The following ENOX2 variants were observed in gnomAD, a reference collection of about 807,000 sequenced individuals.
ENOX2 encodes ecto-NOX disulfide-thiol exchanger 2.
A neutral mutation model predicts 45.0 loss-of-function variants in ENOX2; 36 were observed. That is an observed-to-expected ratio of 0.80 (90% CI 0.61 to 1.06). The LOEUF (loss-of-function observed/expected upper bound fraction) is 1.06, where lower values mean the gene tolerates loss of function less well. Ranked by LOEUF, ENOX2 falls within the 50% of genes least tolerant of loss-of-function variation. The probability of loss-of-function intolerance (pLI) is 0.00; values close to 1 mark genes in which losing one functional copy is unlikely to be tolerated. For synonymous variants in ENOX2, 174 were observed against 152.3 expected, an observed-to-expected ratio of 1.14 and a Z score of -1.05; for missense variants, 423 against 462.5, an observed-to-expected ratio of 0.91 and a Z score of 0.78.
chrX:130,693,963 T>C (rs773573521), intron 4 of ENOX2, among the ~76,000 whole-genome samples: 1 of 111,737 alleles, frequency 8.9e-6, no homozygotes, highest in East Asian at 2.8e-4. Flanking sequence ...TGACAGAAGA[T>C]GGATCCAGCT....
intron 3 of ENOX2, among the ~76,000 whole-genome samples, chrX:130,746,421 T>C (rs1018017757): frequency 3.6e-5 from 4 of 112,079 alleles, no homozygotes; most frequent in African/African-American, 1.3e-4. Flanking sequence ...GACCTTGCTT[T>C]TGGCCTTCTC....
At chrX:130,846,165 G>A (rs780136388) in intron 2 of ENOX2, among the ~76,000 whole-genome samples, 2 of 111,311 alleles carry the variant, frequency 1.8e-5, no homozygotes, top group Non-Finnish European at 3.8e-5. Flanking sequence ...GGAAGATCAG[G>A]TTGAGAAATC....
intron 3 of ENOX2, among the ~76,000 whole-genome samples, chrX:130,767,660 A>G (rs1445181527): frequency 8.9e-6 from 1 of 112,138 alleles, no homozygotes; most frequent in Non-Finnish European, 1.9e-5. Context: ...TAAGTGCTAT[A>G]AGAGAAAAAT....
At chrX:130,679,002 C>G (rs1443665360) in intron 6 of ENOX2, among the ~76,000 whole-genome samples, 1 of 111,283 alleles carries the variant, frequency 9.0e-6, no homozygotes, top group Admixed American at 9.6e-5. Context: ...TGGAAAGAGA[C>G]AGTTCTAGCA....
chrX:130,684,396 T>C (rs1286944494), intron 5 of ENOX2, among the ~76,000 whole-genome samples: 3 of 112,446 alleles, frequency 2.7e-5, no homozygotes, highest in East Asian at 2.8e-4. Context: ...GTCTGTCCTC[T>C]ATACTATAAT....
At chrX:130,885,363 T>A (rs1361269484) in intron 2 of ENOX2, among the ~76,000 whole-genome samples, 1 of 111,232 alleles carries the variant, frequency 9.0e-6, no homozygotes, top group African/African-American at 3.3e-5. Flanking sequence ...CAGTTACTCA[T>A]CCTGAGTCTC....
intron 4 of ENOX2, among the ~76,000 whole-genome samples, chrX:130,702,801 C>A (rs2037933792): frequency 1.8e-5 from 2 of 111,684 alleles, no homozygotes; most frequent in African/African-American, 6.5e-5. Flanking sequence ...TGTTTATTTG[C>A]CTCCTCTATG....
chrX:130,667,810 G>T, intron 7 of ENOX2, 68 bp from the exon 8 acceptor site: 1 of 835,657 alleles, frequency 1.2e-6, no homozygotes. Context: ...CAACATGCTG[G>T]CAAAGAGGGC....
intron 3 of ENOX2, among the ~76,000 whole-genome samples, chrX:130,779,565 G>A (rs1268955166): frequency 9.0e-6 from 1 of 110,988 alleles, no homozygotes; most frequent in Non-Finnish European, 1.9e-5. Flanking sequence ...TCTCACAAAT[G>A]TCTGAGTAGC....
At chrX:130,747,443 T>A (rs2039123491) in intron 3 of ENOX2, among the ~76,000 whole-genome samples, 1 of 112,214 alleles carries the variant, frequency 8.9e-6, no homozygotes, top group Admixed American at 9.4e-5. Context: ...TCCACTTATT[T>A]TCAGAATTTA....
chrX:130,739,435 A>T (rs2038931013), intron 3 of ENOX2, among the ~76,000 whole-genome samples: 1 of 112,371 alleles, frequency 8.9e-6, no homozygotes, highest in Non-Finnish European at 1.9e-5. Context: ...CGGTATTTTC[A>T]ATTTACGATG....
At position 130,625,443 on chromosome X, in the gene ENOX2, G is replaced by A. The variant is rs1474628061; in HGVS notation, c.1617C>T (p.Ile539=). Residue 539 remains isoleucine, a splice_region_variant and synonymous_variant, in exon 15 of 15, where the codon ATC becomes ATT. Transcript: ENST00000394363. ...CSYLHRLDNK[I]CTSDVECLMG... is the part of the protein sequence containing the mutation. ...TGAGACACTCCACATCGCTGGTGCA[G>A]ATCTGTGGGACAGAGAGAACATCTC... is the stretch of plus-strand genomic sequence containing the variant. 1.7e-6 allele frequency: 2 copies of A among 1,205,551 alleles called. No individual in the cohort carries two copies. The highest frequency in any genetic ancestry group is 1.1e-6 in the Non-Finnish European group (1 of 892,830).
intron 9 of ENOX2, among the ~76,000 whole-genome samples, chrX:130,659,531 T>C (rs936854765): frequency 2.7e-5 from 3 of 112,565 alleles, no homozygotes; most frequent in Non-Finnish European, 5.6e-5. Flanking sequence ...AAGGAATTTC[T>C]CATTTCTGAG....
intron 10 of ENOX2, among the ~76,000 whole-genome samples, chrX:130,652,625 T>C (rs2036434888): frequency 1.8e-5 from 2 of 112,361 alleles, no homozygotes; most frequent in Non-Finnish European, 1.9e-5. Flanking sequence ...AAAAAAGATA[T>C]GTTGAAGCTC....
intron 2 of ENOX2, among the ~76,000 whole-genome samples, chrX:130,880,301 T>C (rs1454548899): frequency 8.9e-6 from 1 of 111,826 alleles, no homozygotes; most frequent in Admixed American, 9.5e-5. Flanking sequence ...TACCATATAG[T>C]TTCCATAGAT....
At chrX:130,654,732 T>C (rs1180486016) in intron 10 of ENOX2, among the ~76,000 whole-genome samples, 1 of 112,393 alleles carries the variant, frequency 8.9e-6, no homozygotes, top group African/African-American at 3.2e-5. Context: ...ATAGCTTTAT[T>C]TGCCAAAGCA....
chrX:130,638,039 T>G (rs774278561), intron 10 of ENOX2, among the ~76,000 whole-genome samples: 8 of 109,920 alleles, frequency 7.3e-5, no homozygotes, highest in Admixed American at 4.8e-4. Flanking sequence ...TGCAATCGCA[T>G]TTCAAGATTT....
At chrX:130,874,509 C>T (rs756946292) in intron 2 of ENOX2, among the ~76,000 whole-genome samples, 27 of 111,382 alleles carry the variant, frequency 2.4e-4, no homozygotes, top group Non-Finnish European at 3.6e-4. Flanking sequence ...GAAACTAGTG[C>T]GAAGCAAGGG....
intron 3 of ENOX2, among the ~76,000 whole-genome samples, chrX:130,748,781 C>T (rs979465069): frequency 3.6e-5 from 4 of 111,778 alleles, no homozygotes; most frequent in African/African-American, 1.3e-4. Context: ...TTTTCTCCTG[C>T]GAATGTTAGT....
Sources: allele counts gnomAD v4.1 joint callset (sites outside exome capture counted in the v4.1 genomes callset), GRCh38; gene constraint gnomAD v4.1.1; transcripts MANE v1.5; gene names NCBI Gene and HGNC (gene_info 2026-07-23, HGNC 2026-07-21).